Variants in KCNQ3 observed in about 807,000 individuals in gnomAD.
The protein encoded by KCNQ3 is potassium voltage-gated channel subfamily KQT member 3.
KCNQ3 carries 30 observed loss-of-function variants against 92.5 expected under a neutral mutation model. The observed-to-expected ratio is 0.32, with a 90% CI of 0.24 to 0.44. The LOEUF (loss-of-function observed/expected upper bound fraction) is 0.44. Ranked by LOEUF, KCNQ3 falls within the 20% of genes least tolerant of loss-of-function variation. KCNQ3 has a pLI of 1.00. For synonymous variants in KCNQ3, 450 were observed against 468.8 expected, an observed-to-expected ratio of 0.96 and a Z score of 0.52; for missense variants, 913 against 1,140.3, an observed-to-expected ratio of 0.80 and a Z score of 2.87.
intron 1 of KCNQ3, among the ~76,000 whole-genome samples, chr8:132,200,498 T>C (rs750323020): frequency 9.2e-5 from 14 of 152,166 alleles, no homozygotes; most frequent in Non-Finnish European, 2.9e-5. Context: ...CCTGAGGACA[T>C]GTTACGTGTC....
chr8:132,278,793 T>G (rs1816420167), intron 1 of KCNQ3, among the ~76,000 whole-genome samples: 1 of 152,214 alleles, frequency 6.6e-6, no homozygotes, highest in Non-Finnish European at 1.5e-5. Context: ...ACTAGGGCAG[T>G]TGCTCTAATT....
chr8:132,459,415 G>T (rs984916390), intron 1 of KCNQ3, among the ~76,000 whole-genome samples: 24 of 152,184 alleles, frequency 1.6e-4, no homozygotes, highest in African/African-American at 5.8e-4. Flanking sequence ...TGGTAGAAAG[G>T]CAAGGGGAGC....
chr8:132,356,391 A>G (rs1231840676), intron 1 of KCNQ3, among the ~76,000 whole-genome samples: 4 of 152,186 alleles, frequency 2.6e-5, no homozygotes, highest in Non-Finnish European at 5.9e-5. Context: ...ACGAAGCAGG[A>G]ATGATGTTTT....
intron 1 of KCNQ3, among the ~76,000 whole-genome samples, chr8:132,429,147 C>A (rs1214832543): frequency 6.6e-6 from 1 of 152,170 alleles, no homozygotes; most frequent in African/African-American, 2.4e-5. Flanking sequence ...AAGCACAGTG[C>A]CAGGCAGGTT....
In KCNQ3 at chr8:132,154,207, T is replaced by TTG. The variant is rs1360697170; in HGVS notation, c.1262+9260_1262+9261insCA. ...AAAGGGTAAAAGTTTTTTTTTTTTT[T>TTG]TTTTTTTTTTTTTTTTAGCCAATCA... is the stretch of plus-strand genomic sequence containing the variant. On this transcript the variant is annotated intron_variant, in intron 9 of 14. Coordinates refer to ENST00000388996, the MANE Select transcript of KCNQ3 (RefSeq NM_004519.4). Among the ~76,000 whole-genome samples the TTG allele has an allele frequency of 2.1e-5, 3 of 143,206 alleles. No homozygotes were observed. In the East Asian group the frequency reaches 6.0e-4, roughly 29 times the overall value. The allele number at this position is 143,206 out of a possible 152,430, so 93.9% of individuals were successfully genotyped here.
At chr8:132,338,234 T>C (rs903548316) in intron 1 of KCNQ3, among the ~76,000 whole-genome samples, 12 of 152,202 alleles carry the variant, frequency 7.9e-5, no homozygotes, top group Admixed American at 6.5e-4. Flanking sequence ...GGCTTAGGCA[T>C]GGCCCAAGGT....
intron 1 of KCNQ3, among the ~76,000 whole-genome samples, chr8:132,398,627 T>G (rs1322817092): frequency 6.6e-6 from 1 of 152,100 alleles, no homozygotes; most frequent in Non-Finnish European, 1.5e-5. Context: ...GATATATAAA[T>G]AGTATAAACC....
At chr8:132,150,615 G>T (rs890186044) in intron 9 of KCNQ3, among the ~76,000 whole-genome samples, 1 of 152,052 alleles carries the variant, frequency 6.6e-6, no homozygotes, top group African/African-American at 2.4e-5. Context: ...ACCTTGTTTT[G>T]CTGGGAAAAG....
chr8:132,265,621 G>A (rs1475213173), intron 1 of KCNQ3, among the ~76,000 whole-genome samples: 1 of 152,162 alleles, frequency 6.6e-6, no homozygotes, highest in African/African-American at 2.4e-5. Flanking sequence ...AGGCTTATGT[G>A]TTACACATTC....
intron 1 of KCNQ3, 22 bp downstream of exon 1, chr8:132,480,125 C>T (rs1355698704): frequency 3.1e-6 from 5 of 1,606,446 alleles, no homozygotes; most frequent in Non-Finnish European, 4.3e-6. Context: ...GCCGAGGGCG[C>T]CCCGAGCGGC....
intron 1 of KCNQ3, among the ~76,000 whole-genome samples, chr8:132,335,622 C>T (rs1818348537): frequency 6.6e-6 from 1 of 152,168 alleles, no homozygotes; most frequent in African/African-American, 2.4e-5. Flanking sequence ...TCATTCAAAG[C>T]TTTCATTCCT....
chr8:132,341,223 C>T (rs573962458), intron 1 of KCNQ3, among the ~76,000 whole-genome samples: 18 of 152,314 alleles, frequency 1.2e-4, no homozygotes, highest in South Asian at 6.2e-4. Context: ...AGCATTAGTG[C>T]GTGACTACCT....
chr8:132,228,770 A>C lies in KCNQ3; in HGVS notation c.387-42589T>G, dbSNP rs183679033. On this transcript the variant is annotated intron_variant, in intron 1 of 14. Coordinates refer to ENST00000388996, the MANE Select transcript of KCNQ3 (RefSeq NM_004519.4). ...CTCAGCTGACTCTTGAAAAAAAAAA[A>C]AAAAGAGGCAAGCGAAGAAAAGGAG... is the stretch of plus-strand genomic sequence containing the variant. Among the ~76,000 whole-genome samples the C allele has an allele frequency of 2.5e-3, 382 of 152,092 alleles. 3 individuals carry two copies. The highest frequency in any genetic ancestry group is 8.8e-3 in the African/African-American group (367 of 41,498).
At position 132,480,191 on chromosome 8, in the gene KCNQ3, G is replaced by C. The variant is rs1297915715; in HGVS notation, c.342C>G (p.Ala114=). The C allele has an allele frequency of 6.2e-7, 1 of 1,613,212 alleles. No homozygotes were observed. Among genetic ancestry groups the C allele is most frequent in the African/African-American group, 1.3e-5 (1 of 74,938 alleles). The change falls in exon 1 of 15, where the codon GCC becomes GCG. Residue 114 remains alanine, a synonymous_variant. Coordinates refer to ENST00000388996, the MANE Select transcript of KCNQ3 (RefSeq NM_004519.4). ...YRRIQTLIYD[A]LERPRGWALL... ...GCGCCCAGCCCCGCGGTCTCTCCAG[G>C]GCGTCGTAGATCAAAGTTTGGATGC... is the stretch of plus-strand genomic sequence containing the variant.
rs777650536 is a variant in KCNQ3 at position 132,172,697 on chromosome 8, G to A, written c.1045-4C>T. On this transcript the variant is annotated splice_region_variant and splice_polypyrimidine_tract_variant and intron_variant, in intron 6 of 14. Coordinates refer to ENST00000388996, the MANE Select transcript of KCNQ3 (RefSeq NM_004519.4). ...CCAGCCCGGACCCCAGGATGCCCTG[G>A]AGGGAGAGGCAGGCAGGCAGTCAGC... is the stretch of plus-strand genomic sequence containing the variant. 1.5e-5 allele frequency: 24 copies of A among 1,611,396 alleles called. No homozygotes were observed. In the Admixed American group the frequency reaches 3.8e-4, roughly 26 times the overall value.
chr8:132,144,909 C>T (rs1825406658), intron 9 of KCNQ3, among the ~76,000 whole-genome samples: 2 of 152,178 alleles, frequency 1.3e-5, no homozygotes, highest in South Asian at 4.1e-4. Flanking sequence ...AGGCTTTTCT[C>T]ATCCATGGCA....
At chr8:132,287,781 T>C (rs1369857533) in intron 1 of KCNQ3, among the ~76,000 whole-genome samples, 1 of 152,148 alleles carries the variant, frequency 6.6e-6, no homozygotes, top group Non-Finnish European at 1.5e-5. Flanking sequence ...TACCAGGGAC[T>C]GGGGAAAAAT....
At chr8:132,217,581 G>C (rs1193792253) in intron 1 of KCNQ3, among the ~76,000 whole-genome samples, 1 of 151,892 alleles carries the variant, frequency 6.6e-6, no homozygotes, top group Non-Finnish European at 1.5e-5. Flanking sequence ...CGTGGTGGCG[G>C]GTGCCTGGAG....
intron 1 of KCNQ3, among the ~76,000 whole-genome samples, chr8:132,423,994 T>C (rs911408713): frequency 6.6e-6 from 1 of 152,192 alleles, no homozygotes; most frequent in African/African-American, 2.4e-5. Context: ...GCTGCAGGAC[T>C]ATCTTAAATG....
Sources: gnomAD v4.1 joint callset for allele counts (sites outside exome capture counted in the v4.1 genomes callset) on GRCh38, gnomAD v4.1.1 for gene constraint, MANE v1.5 for transcripts, NCBI Gene and HGNC (gene_info 2026-07-23, HGNC 2026-07-21) for gene names.